Variants in WWOX observed in about 807,000 individuals in gnomAD.
WWOX encodes WW domain containing oxidoreductase.
A neutral mutation model predicts 46.2 loss-of-function variants in WWOX; 69 were observed. The observed-to-expected ratio is 1.49, with a 90% CI of 1.23 to 1.82. The LOEUF is 1.82. Ranked by LOEUF, WWOX falls within the 40% of genes most tolerant of loss-of-function variation. The pLI is 0.00. For synonymous variants in WWOX, 359 were observed against 202.6 expected, an observed-to-expected ratio of 1.77 and a Z score of -6.56; for missense variants, 919 against 542.6, an observed-to-expected ratio of 1.69 and a Z score of -6.89.
chr16:78,318,426 C>T (rs968208856), intron 5 of WWOX, among the ~76,000 whole-genome samples: 18 of 151,942 alleles, frequency 1.2e-4, no homozygotes, highest in African/African-American at 2.7e-4. Context: ...GCGACAAGAG[C>T]GCAATTCTGT....
At chr16:79,103,765 C>T (rs2049250027) in intron 8 of WWOX, among the ~76,000 whole-genome samples, 1 of 152,088 alleles carries the variant, frequency 6.6e-6, no homozygotes, top group Non-Finnish European at 1.5e-5. Flanking sequence ...CATTCAGTTT[C>T]TGAGTCCTCA....
chr16:78,887,278 C>T (rs1385489119), intron 8 of WWOX, among the ~76,000 whole-genome samples: 1 of 151,882 alleles, frequency 6.6e-6, no homozygotes, highest in East Asian at 1.9e-4. Context: ...CAGCAATTCC[C>T]CTGTGGATTT....
At chr16:79,169,856 C>T (rs760020732) in intron 8 of WWOX, among the ~76,000 whole-genome samples, 3 of 152,120 alleles carry the variant, frequency 2.0e-5, no homozygotes, top group Non-Finnish European at 4.4e-5. Context: ...TGCTGTATTG[C>T]AGGGAAGTTC....
At chr16:78,549,544 C>T (rs747677427) in intron 8 of WWOX, among the ~76,000 whole-genome samples, 1 of 152,124 alleles carries the variant, frequency 6.6e-6, no homozygotes, top group Non-Finnish European at 1.5e-5. Flanking sequence ...TTTTGTCCAT[C>T]TCTTAAATCA....
chr16:79,073,613 T>G (rs756105060), intron 8 of WWOX, among the ~76,000 whole-genome samples: 18 of 152,228 alleles, frequency 1.2e-4, no homozygotes, highest in Non-Finnish European at 2.2e-4. Context: ...CAAATGTCTG[T>G]TCTCCCTTTA....
At chr16:78,916,387 A>G (rs1030591959) in intron 8 of WWOX, among the ~76,000 whole-genome samples, 1 of 152,198 alleles carries the variant, frequency 6.6e-6, no homozygotes, top group South Asian at 2.1e-4. Context: ...TAATCCCCCA[A>G]AAGTCAAACA....
intron 8 of WWOX, among the ~76,000 whole-genome samples, chr16:78,459,390 C>G (rs1256526393): frequency 6.6e-6 from 1 of 152,190 alleles, no homozygotes; most frequent in Non-Finnish European, 1.5e-5. Flanking sequence ...TCCGAGTGGC[C>G]TACAAGTGGA....
intron 5 of WWOX, among the ~76,000 whole-genome samples, chr16:78,319,632 C>T (rs1597477806): frequency 6.6e-6 from 1 of 152,112 alleles, no homozygotes; most frequent in East Asian, 1.9e-4. Flanking sequence ...TTATTTCAAG[C>T]CGTGAATTTC....
chr16:78,143,697 T>TA (rs2034066384), intron 4 of WWOX, among the ~76,000 whole-genome samples: 1 of 151,784 alleles, frequency 6.6e-6, no homozygotes, highest in East Asian at 1.9e-4. Context: ...ATTCCTCTAA[T>TA]AAGTTTTCAG....
chr16:79,163,754 G>T (rs1482136934), intron 8 of WWOX, among the ~76,000 whole-genome samples: 1 of 140,498 alleles, frequency 7.1e-6, no homozygotes, highest in Non-Finnish European at 1.5e-5. Context: ...CTGAGATCGT[G>T]CCATTGCACT....
chr16:78,984,169 C>T (rs527263714), intron 8 of WWOX, among the ~76,000 whole-genome samples: 317 of 152,190 alleles, frequency 2.1e-3, no homozygotes, highest in Admixed American at 4.5e-3. Context: ...TGAGCCATCG[C>T]GCCCGGCCAG....
At chr16:78,536,226 C>G (rs1428541562) in intron 8 of WWOX, among the ~76,000 whole-genome samples, 1 of 152,074 alleles carries the variant, frequency 6.6e-6, no homozygotes, top group Non-Finnish European at 1.5e-5. Flanking sequence ...CCCTTTTGCC[C>G]CCACCAAAAT....
intron 8 of WWOX, among the ~76,000 whole-genome samples, chr16:79,163,547 C>A (rs140570223): frequency 5.3e-5 from 8 of 152,062 alleles, no homozygotes; most frequent in Non-Finnish European, 1.2e-4. Context: ...ACCTGTAATC[C>A]CAGCACTTTG....
At chr16:78,505,701 C>T (rs957670469) in intron 8 of WWOX, among the ~76,000 whole-genome samples, 2 of 150,186 alleles carry the variant, frequency 1.3e-5, no homozygotes, top group Non-Finnish European at 2.9e-5. Context: ...CCATGCCTCT[C>T]TGCTCTCCCT....
At chr16:78,151,954 G>T (rs1057337520) in intron 4 of WWOX, among the ~76,000 whole-genome samples, 1 of 152,206 alleles carries the variant, frequency 6.6e-6, no homozygotes, top group Non-Finnish European at 1.5e-5. Context: ...ACTTTGGGAG[G>T]CCGAGGCGGG....
chr16:78,866,605 G>C (rs550721466), intron 8 of WWOX, among the ~76,000 whole-genome samples: 4 of 152,182 alleles, frequency 2.6e-5, no homozygotes, highest in Non-Finnish European at 2.9e-5. Flanking sequence ...GGCCACCAAG[G>C]CACTGGTGCA....
At chr16:78,905,892 C>G (rs536250540) in intron 8 of WWOX, among the ~76,000 whole-genome samples, 2 of 152,138 alleles carry the variant, frequency 1.3e-5, no homozygotes, top group African/African-American at 2.4e-5. Context: ...TCATTAGTGT[C>G]GGAGCACCCA....
chr16:78,502,364 A>G (rs145381755), intron 8 of WWOX, among the ~76,000 whole-genome samples: 52 of 152,258 alleles, frequency 3.4e-4, no homozygotes, highest in African/African-American at 8.9e-4. Context: ...GTTCCTGGCA[A>G]CCACTAACCA....
chr16:78,439,989 C>T (rs556115080), intron 8 of WWOX, among the ~76,000 whole-genome samples: 13 of 152,266 alleles, frequency 8.5e-5, no homozygotes, highest in African/African-American at 1.2e-4. Context: ...GTTGACTTCC[C>T]GTCAGATCCC....
Sources: gnomAD v4.1 joint callset for allele counts (sites outside exome capture counted in the v4.1 genomes callset) on GRCh38, gnomAD v4.1.1 for gene constraint, MANE v1.5 for transcripts, NCBI Gene and HGNC (gene_info 2026-07-23, HGNC 2026-07-21) for gene names.